SHC3: variants seen among roughly 807,000 people sequenced by gnomAD.
The protein encoded by SHC3 is SHC adaptor protein 3.
Under a neutral mutation model 60.4 loss-of-function variants are expected in SHC3, and 15 were observed. The ratio of observed to expected loss-of-function variants is 0.25; its 90% CI spans 0.17 to 0.38. The LOEUF (loss-of-function observed/expected upper bound fraction) is 0.38. Ranked by LOEUF, SHC3 falls within the 10% of genes least tolerant of loss-of-function variation. SHC3 has a pLI of 1.00. For synonymous variants in SHC3, 294 were observed against 325.9 expected (o/e 0.90, Z 1.05); for missense variants, 677 against 786.1 (o/e 0.86, Z 1.66).
chr9:89,170,992 C>T (rs1039305849), intron 1 of SHC3, among the ~76,000 whole-genome samples: 1 of 152,098 alleles, frequency 6.6e-6, no homozygotes, highest in South Asian at 2.1e-4. Context: ...GTACACAAAC[C>T]CCTCATAATT....
chr9:89,048,099 C>T (rs780643534), intron 7 of SHC3, among the ~76,000 whole-genome samples: 11 of 151,960 alleles, frequency 7.2e-5, no homozygotes, highest in Non-Finnish European at 1.6e-4. Flanking sequence ...CAAAAATTAG[C>T]CAGGCGTGGT....
chr9:89,156,045 C>T (rs1826618220), intron 1 of SHC3, among the ~76,000 whole-genome samples: 1 of 152,032 alleles, frequency 6.6e-6, no homozygotes, highest in Non-Finnish European at 1.5e-5. Flanking sequence ...TATAGAGTGC[C>T]CTCCCCCATT....
intron 1 of SHC3, among the ~76,000 whole-genome samples, chr9:89,161,465 C>T (rs1826705094): frequency 6.6e-6 from 1 of 152,196 alleles, no homozygotes; most frequent in Non-Finnish European, 1.5e-5. Flanking sequence ...ATAAATTACC[C>T]AGTCTTGAGT....
At chr9:89,138,599 C>G (rs897994787) in intron 1 of SHC3, among the ~76,000 whole-genome samples, 5 of 152,192 alleles carry the variant, frequency 3.3e-5, no homozygotes, top group African/African-American at 1.2e-4. Context: ...CCTGTCTCAT[C>G]CTGTGACTTA....
intron 6 of SHC3, among the ~76,000 whole-genome samples, chr9:89,060,599 G>C (rs1192361127): frequency 6.6e-6 from 1 of 151,978 alleles, no homozygotes; most frequent in Non-Finnish European, 1.5e-5. Context: ...CAGGGAGAGG[G>C]GATCATAGGA....
chr9:89,095,910 A>G (rs1244490351), intron 2 of SHC3, among the ~76,000 whole-genome samples: 1 of 152,134 alleles, frequency 6.6e-6, no homozygotes, highest in Non-Finnish European at 1.5e-5. Flanking sequence ...TTGAGCTAAG[A>G]CACTTCCAAA....
At chr9:89,133,599 A>G (rs1317393159) in intron 1 of SHC3, among the ~76,000 whole-genome samples, 1 of 152,228 alleles carries the variant, frequency 6.6e-6, no homozygotes, top group African/African-American at 2.4e-5. Context: ...GGATGAGTTC[A>G]TGTCCTTTGT....
At position 89,042,063 on chromosome 9, in the gene SHC3, A is replaced by C; in HGVS notation, c.1323T>G (p.Ser441Arg). 6.2e-7 allele frequency: 1 copy of C among 1,609,720 alleles called. No individual in the cohort carries two copies. Among genetic ancestry groups the C allele is most frequent in the African/African-American group, 1.3e-5 (1 of 74,560 alleles). The change falls in exon 10 of 12, where the codon AGT (serine) becomes AGG (arginine). Residue 441 changes from serine (S) to arginine (R), a missense_variant. Coordinates refer to ENST00000375835, the MANE Select transcript of SHC3 (RefSeq NM_016848.6). The stretch of plus-strand genomic sequence containing the variant: ...GGTCTTTCCTTGGGCTGCTCTCAGC[A>C]CTGCTGACCGCAGCCGGCCAGGCCT... The part of the protein sequence containing the change: ...PPQAWPAAVS[S>R]AESSPRKDLF...
At chr9:89,132,507 C>A (rs970080594) in intron 1 of SHC3, among the ~76,000 whole-genome samples, 3 of 152,188 alleles carry the variant, frequency 2.0e-5, no homozygotes, top group Non-Finnish European at 4.4e-5. Flanking sequence ...TGACTTCAAG[C>A]TATACTACAA....
At chr9:89,066,917 T>C (rs1200145849) in intron 5 of SHC3, among the ~76,000 whole-genome samples, 1 of 152,130 alleles carries the variant, frequency 6.6e-6, no homozygotes, top group Non-Finnish European at 1.5e-5. Flanking sequence ...AGGTGGGTGG[T>C]GCTGGGCACT....
At chr9:89,049,079 G>T (rs919180356) in intron 7 of SHC3, among the ~76,000 whole-genome samples, 4 of 152,134 alleles carry the variant, frequency 2.6e-5, no homozygotes, top group Non-Finnish European at 5.9e-5. Flanking sequence ...GGCTAACACG[G>T]TGAAATCCCA....
intron 6 of SHC3, among the ~76,000 whole-genome samples, chr9:89,052,993 G>C (rs1824885541): frequency 6.6e-6 from 1 of 152,110 alleles, no homozygotes; most frequent in South Asian, 2.1e-4. Context: ...GAGAAAAGAG[G>C]GCCAGCCTCT....
At chr9:89,087,954 T>A (rs190092494) in intron 2 of SHC3, among the ~76,000 whole-genome samples, 2 of 152,342 alleles carry the variant, frequency 1.3e-5, no homozygotes, top group Non-Finnish European at 2.9e-5. Context: ...TACCTCAAAT[T>A]ACATTTCTAG....
At chr9:89,129,551 C>T (rs1188271506) in intron 1 of SHC3, among the ~76,000 whole-genome samples, 2 of 152,162 alleles carry the variant, frequency 1.3e-5, no homozygotes, top group African/African-American at 2.4e-5. Context: ...AGACTAACAG[C>T]AGATCTCTCG....
intron 1 of SHC3, among the ~76,000 whole-genome samples, chr9:89,135,461 A>G (rs977858741): frequency 6.6e-6 from 1 of 152,162 alleles, no homozygotes; most frequent in Non-Finnish European, 1.5e-5. Flanking sequence ...AATTCCATCA[A>G]AGCCAATTTA....
At chr9:89,080,324 C>T (rs1377502660) in intron 2 of SHC3, among the ~76,000 whole-genome samples, 2 of 152,116 alleles carry the variant, frequency 1.3e-5, no homozygotes, top group Non-Finnish European at 2.9e-5. Flanking sequence ...CCTCAGAACT[C>T]GGCTAATTTG....
chr9:89,059,068 C>T lies in SHC3; in HGVS notation c.835+6461G>A, dbSNP rs1480103641. On this transcript the variant is annotated intron_variant, in intron 6 of 11. Transcript: ENST00000375835. ...TGTGGTGGAGGGCGGTGGTGGAGGACGTGGTAAAGGACGTGATGGAGGATG... is the reference window on the plus strand; with the variant it reads ...TGTGGTGGAGGGCGGTGGTGGAGGATGTGGTAAAGGACGTGATGGAGGATG... Among the ~76,000 whole-genome samples, 86 of 123,358 alleles carry T rather than the reference C, an allele frequency of 7.0e-4. 2 individuals are homozygous for T. The highest frequency in any genetic ancestry group is 5.3e-3 in the Admixed American group (65 of 12,288). The allele number at this position is 123,358 out of a possible 152,430, so 80.9% of individuals were successfully genotyped here. A position where few individuals can be genotyped will look rare whatever the true frequency, so the allele number is the denominator to read the frequency against.
rs368053252 is a variant in SHC3, at chr9:89,042,057, C to T, written c.1329G>A (p.Glu443=). 9 of 1,611,316 alleles carry T rather than the reference C, an allele frequency of 5.6e-6. No homozygotes were observed. In the Middle Eastern group the frequency reaches 4.9e-4, roughly 89 times the overall value. The part of the protein sequence containing the change: ...QAWPAAVSSA[E]SSPRKDLFDM... Reference sequence around the variant, plus strand: ...CAAAGAGGTCTTTCCTTGGGCTGCTCTCAGCACTGCTGACCGCAGCCGGCC... The same window carrying T: ...CAAAGAGGTCTTTCCTTGGGCTGCTTTCAGCACTGCTGACCGCAGCCGGCC... The change falls in exon 10 of 12, where the codon GAG becomes GAA. Residue 443 remains glutamate, a synonymous_variant. Coordinates refer to ENST00000375835, the MANE Select transcript of SHC3 (RefSeq NM_016848.6).
rs558631948 is a variant in SHC3, at chr9:89,101,446, C to T, written c.545+11110G>A. Among the ~76,000 whole-genome samples the T allele has an allele frequency of 1.8e-3, 278 of 151,992 alleles. 2 individuals are homozygous for T. In the Middle Eastern group the frequency reaches 0.021, roughly 11 times the overall value. The stretch of plus-strand genomic sequence containing the variant: ...CCTTGTTCTTGATCTTAAAAGTATT[C>T]GGTTTTTACCATTAACTATGATATT... On this transcript the variant is annotated intron_variant, in intron 2 of 11. Transcript: ENST00000375835.
Sources: gnomAD v4.1 joint callset for allele counts (sites outside exome capture counted in the v4.1 genomes callset) on GRCh38, gnomAD v4.1.1 for gene constraint, MANE v1.5 for transcripts, NCBI Gene and HGNC (gene_info 2026-07-23, HGNC 2026-07-21) for gene names.